Variants in PATJ observed in about 807,000 individuals in gnomAD.
PATJ encodes inaD-like protein.
Under a neutral mutation model 224.9 loss-of-function variants are expected in PATJ, and 190 were observed. The ratio of observed to expected loss-of-function variants is 0.84; its 90% CI spans 0.75 to 0.95. The LOEUF is 0.95. Ranked by LOEUF, PATJ falls within the 40% of genes least tolerant of loss-of-function variation. The pLI is 0.00. For synonymous variants in PATJ, 769 were observed against 820.3 expected (o/e 0.94, Z 1.07); for missense variants, 2,121 against 2,270.3 (o/e 0.93, Z 1.34).
intron 3 of PATJ, among the ~76,000 whole-genome samples, chr1:61,765,215 C>T (rs1646202718): frequency 1.3e-5 from 2 of 150,896 alleles, no homozygotes; most frequent in South Asian, 4.2e-4. Flanking sequence ...GCTGGGCCTA[C>T]AGGCATGTGA....
In PATJ at chr1:61,944,930, T is replaced by C. The variant is rs199545613; in HGVS notation, c.3670+17101T>C. 2.3e-3 allele frequency among the ~76,000 whole-genome samples: 350 copies of C among 152,290 alleles called. 5 individuals carry two copies. The East Asian group carries it at 0.028, about 12-fold the overall frequency. ...GAGTGGGTGCCAATATTCAACATTCTTAAAGAAAAGAATTTTCAACCCAGA... is the reference window on the plus strand; with the variant it reads ...GAGTGGGTGCCAATATTCAACATTCCTAAAGAAAAGAATTTTCAACCCAGA... On this transcript the variant is annotated intron_variant, in intron 27 of 43. Transcript: ENST00000642238.
chr1:62,143,043 T>G (rs1444381231), intron 41 of PATJ, among the ~76,000 whole-genome samples: 3 of 152,128 alleles, frequency 2.0e-5, no homozygotes, highest in Non-Finnish European at 4.4e-5. Flanking sequence ...GATGATGAAC[T>G]GAATTAGGAT....
At chr1:62,076,600 T>G (rs1658348876) in intron 31 of PATJ, among the ~76,000 whole-genome samples, 1 of 152,242 alleles carries the variant, frequency 6.6e-6, no homozygotes, top group Non-Finnish European at 1.5e-5. Context: ...TATGGACTGC[T>G]TCCTTATTGT....
At chr1:62,013,279 A>G (rs776428320) in intron 28 of PATJ, 6 of 872,502 alleles carry the variant, frequency 6.9e-6, no homozygotes, top group Non-Finnish European at 8.3e-6. Context: ...TAAACATGAA[A>G]CAGTTAGATT....
intron 24 of PATJ, among the ~76,000 whole-genome samples, chr1:61,903,399 G>A (rs1443694822): frequency 1.3e-5 from 2 of 152,194 alleles, no homozygotes; most frequent in Non-Finnish European, 2.9e-5. Context: ...TTGCTGAGAT[G>A]GGCAAGACTG....
intron 25 of PATJ, among the ~76,000 whole-genome samples, chr1:61,911,693 T>A (rs79431836): frequency 8.4e-6 from 1 of 119,536 alleles, no homozygotes; most frequent in Non-Finnish European, 1.5e-5. Context: ...ATCTATATAT[T>A]TTTATATATA....
chr1:61,786,958 C>G (rs1452018234), intron 7 of PATJ, among the ~76,000 whole-genome samples: 1 of 151,974 alleles, frequency 6.6e-6, no homozygotes, highest in Admixed American at 6.6e-5. Context: ...TGCACTCCAG[C>G]CTGGGCAACA....
intron 27 of PATJ, among the ~76,000 whole-genome samples, chr1:61,954,915 G>A (rs1035755519): frequency 1.5e-4 from 23 of 151,734 alleles, no homozygotes; most frequent in African/African-American, 4.1e-4. Flanking sequence ...CACCACGCCC[G>A]GCTCATTTTT....
At chr1:61,806,041 G>GGAA (rs1459362574) in intron 13 of PATJ, among the ~76,000 whole-genome samples, 14 of 152,140 alleles carry the variant, frequency 9.2e-5, no homozygotes, top group Non-Finnish European at 1.9e-4. Flanking sequence ...TAGTGCCAGT[G>GGAA]GTCCATTAGA....
At chr1:61,947,870 T>A (rs1679002288) in intron 27 of PATJ, among the ~76,000 whole-genome samples, 2 of 152,150 alleles carry the variant, frequency 1.3e-5, no homozygotes, top group South Asian at 4.1e-4. Context: ...AACAGAGATA[T>A]AGACCAATGG....
intron 24 of PATJ, among the ~76,000 whole-genome samples, chr1:61,902,903 G>A (rs1349339648): frequency 6.6e-6 from 1 of 152,034 alleles, no homozygotes; most frequent in Non-Finnish European, 1.5e-5. Flanking sequence ...ATGAGAGAGT[G>A]AGCCATATAG....
chr1:61,802,218 C>T (rs978413672), intron 12 of PATJ, among the ~76,000 whole-genome samples: 2 of 151,960 alleles, frequency 1.3e-5, no homozygotes, highest in Admixed American at 6.6e-5. Flanking sequence ...CTCAGCCTCC[C>T]GAGTAGCTGG....
chr1:61,775,171 T>A (rs769502350), intron 6 of PATJ, 35 bp from the exon 7 acceptor site: 65 of 1,592,886 alleles, frequency 4.1e-5, no homozygotes, highest in Non-Finnish European at 5.5e-5. Flanking sequence ...TGTGTATTAC[T>A]GATACTGCGA....
At chr1:62,138,116 G>GGA (rs544160596) in intron 41 of PATJ, among the ~76,000 whole-genome samples, 40 of 152,220 alleles carry the variant, frequency 2.6e-4, no homozygotes, top group Middle Eastern at 3.4e-3. Flanking sequence ...GAGGATGAGG[G>GGA]GAAACCAAGT....
intron 1 of PATJ, among the ~76,000 whole-genome samples, chr1:61,746,522 C>G (rs1010190037): frequency 6.6e-6 from 1 of 152,076 alleles, no homozygotes; most frequent in African/African-American, 2.4e-5. Context: ...CTTAAAGCAC[C>G]CCAACAGTAT....
At chr1:62,070,669 C>G (rs995956290) in intron 31 of PATJ, among the ~76,000 whole-genome samples, 1 of 152,120 alleles carries the variant, frequency 6.6e-6, no homozygotes, top group Non-Finnish European at 1.5e-5. Flanking sequence ...TATATCATAT[C>G]ATCTGTTTAG....
At chr1:61,892,654 T>C (rs1365588401) in intron 22 of PATJ, among the ~76,000 whole-genome samples, 2 of 152,220 alleles carry the variant, frequency 1.3e-5, no homozygotes, top group Admixed American at 1.3e-4. Context: ...GTTCAGTTCA[T>C]TTTTAAGACT....
At chr1:61,827,689 CTT>C (rs1658523204) in intron 16 of PATJ, 106 bp downstream of exon 16, 1 of 1,040,088 alleles carries the variant, frequency 9.6e-7, no homozygotes, top group African/African-American at 1.6e-5. Flanking sequence ...CCACTCTGCT[CTT>C]TTTTTGCTTG....
chr1:62,055,009 C>T (rs1235991471), intron 31 of PATJ, among the ~76,000 whole-genome samples: 3 of 151,706 alleles, frequency 2.0e-5, no homozygotes, highest in Admixed American at 2.0e-4. Flanking sequence ...GAGCTGAGAT[C>T]GCACCATTGC....
Sources: allele counts gnomAD v4.1 joint callset (sites outside exome capture counted in the v4.1 genomes callset), GRCh38; gene constraint gnomAD v4.1.1; transcripts MANE v1.5; gene names NCBI Gene and HGNC (gene_info 2026-07-23, HGNC 2026-07-21).